ARHGEF18: variants seen among roughly 807,000 people sequenced by gnomAD.
The protein encoded by ARHGEF18 is rho guanine nucleotide exchange factor 18.
ARHGEF18 carries 93 observed loss-of-function variants against 155.7 expected under a neutral mutation model. That is an observed-to-expected ratio of 0.60 (90% CI 0.50 to 0.71). The LOEUF (loss-of-function observed/expected upper bound fraction) is 0.71. Ranked by LOEUF, ARHGEF18 falls within the 30% of genes least tolerant of loss-of-function variation. The pLI, the probability that ARHGEF18 is intolerant of heterozygous loss-of-function variation, is 0.00. For synonymous variants in ARHGEF18, 742 were observed against 753.1 expected, an observed-to-expected ratio of 0.99 and a Z score of 0.24; for missense variants, 1,593 against 1,816.1, an observed-to-expected ratio of 0.88 and a Z score of 2.23.
At chr19:7,374,585 C>T (rs1395059566) in intron 3 of ARHGEF18, among the ~76,000 whole-genome samples, 2 of 151,584 alleles carry the variant, frequency 1.3e-5, no homozygotes, top group African/African-American at 2.4e-5. Flanking sequence ...GGCTGAGGCC[C>T]GAGAATCGCT....
intron 10 of ARHGEF18, among the ~76,000 whole-genome samples, chr19:7,406,149 C>T (rs1269794259): frequency 6.6e-6 from 1 of 152,014 alleles, no homozygotes; most frequent in Admixed American, 6.6e-5. Flanking sequence ...GGCGCTATCT[C>T]GGCTCACTGC....
chr19:7,423,663 C>T (rs1278998008), intron 10 of ARHGEF18, among the ~76,000 whole-genome samples: 1 of 151,342 alleles, frequency 6.6e-6, no homozygotes, highest in African/African-American at 2.4e-5. Context: ...CGAGATCGCG[C>T]CACTGCACTC....
intron 10 of ARHGEF18, among the ~76,000 whole-genome samples, chr19:7,419,271 GTGCC>G (rs1387657420): frequency 2.6e-5 from 3 of 116,586 alleles, no homozygotes; most frequent in Admixed American, 2.2e-4. Flanking sequence ...CACCCCAGGT[GTGCC>G]CACACTCGGC....
intron 10 of ARHGEF18, among the ~76,000 whole-genome samples, chr19:7,407,590 T>C (rs776703003): frequency 2.6e-5 from 4 of 152,128 alleles, no homozygotes; most frequent in Admixed American, 2.0e-4. Context: ...GGATAGAGCA[T>C]TGGGAGTTCC....
At position 7,371,920 on chromosome 19, in the gene ARHGEF18, G is replaced by A. The variant is rs549193687; in HGVS notation, c.16-892G>A. Among the ~76,000 whole-genome samples the A allele has an allele frequency of 3.3e-5, 5 of 152,154 alleles. No homozygotes were observed. In the South Asian group the frequency reaches 1.0e-3, roughly 32 times the overall value. On this transcript the variant is annotated intron_variant, in intron 2 of 28. Coordinates refer to ENST00000668164, the MANE Select transcript of ARHGEF18 (RefSeq NM_001367823.1). ...AATCTATAAAGACATCAACATGGGT[G>A]AGTTCTGGGTAAAGGGCAAACCCTG...
In ARHGEF18 at chr19:7,467,461, C is replaced by A; in HGVS notation, c.3257C>A (p.Ala1086Glu). Residue 1086 changes from alanine to glutamate, a missense_variant, in exon 26 of 29, where the codon GCG (alanine) becomes GAG (glutamate). Ala to Glu is a moderately radical substitution (Grantham distance 107, BLOSUM62 -1). Coordinates refer to ENST00000668164, the MANE Select transcript of ARHGEF18 (RefSeq NM_001367823.1). ...CACCAGGAGCTGGAGCGTGCGGGCG[C>A]GCGGCTGCAGGAGCGCGAGGGCGAG... ...WQHQELERAG[A>E]RLQEREGEAR... The A allele has an allele frequency of 6.7e-7, 1 of 1,502,950 alleles. No homozygotes were observed. The highest frequency in any genetic ancestry group is 8.8e-7 in the Non-Finnish European group (1 of 1,133,684). The allele number at this position is 1,502,950 out of a possible 1,614,324, so 93.1% of individuals were successfully genotyped here.
chr19:7,468,753 G>A (rs1248557498), intron 26 of ARHGEF18, 72 bp from the exon 27 acceptor site: 20 of 1,442,582 alleles, frequency 1.4e-5, no homozygotes, highest in African/African-American at 2.9e-5. Flanking sequence ...TCCTGTGCAC[G>A]ACCCTCGGGG....
intron 5 of ARHGEF18, among the ~76,000 whole-genome samples, chr19:7,377,698 G>C (rs890267479): frequency 6.6e-6 from 1 of 151,736 alleles, no homozygotes; most frequent in African/African-American, 2.4e-5. Flanking sequence ...TGAGATGGGA[G>C]GATCACTTAA....
chr19:7,453,060 A>G (rs1048303856), intron 16 of ARHGEF18, among the ~76,000 whole-genome samples: 9 of 151,912 alleles, frequency 5.9e-5, no homozygotes, highest in African/African-American at 1.9e-4. Context: ...ATAGCTGGGC[A>G]TGGTGGCGGG....
chr19:7,451,351 A>G, intron 16 of ARHGEF18, 85 bp downstream of exon 16: 1 of 1,140,386 alleles, frequency 8.8e-7, no homozygotes, highest in Admixed American at 2.4e-5. Context: ...TTTGAGCAGC[A>G]AACTGAATAA....
intron 10 of ARHGEF18, among the ~76,000 whole-genome samples, chr19:7,406,019 T>C (rs1382865278): frequency 6.6e-6 from 1 of 152,188 alleles, no homozygotes; most frequent in East Asian, 1.9e-4. Flanking sequence ...AAGGTCTCAC[T>C]CTTTAGAACC....
intron 10 of ARHGEF18, among the ~76,000 whole-genome samples, chr19:7,427,672 G>A (rs1033488890): frequency 5.4e-5 from 8 of 149,458 alleles, no homozygotes; most frequent in South Asian, 2.1e-4. Flanking sequence ...AAGGCCGGGC[G>A]CAGTGGCTCA....
At chr19:7,425,285 G>A (rs1038794640) in intron 10 of ARHGEF18, among the ~76,000 whole-genome samples, 1 of 152,120 alleles carries the variant, frequency 6.6e-6, no homozygotes, top group African/African-American at 2.4e-5. Flanking sequence ...GTAGGGCTCT[G>A]GCTTGGTCTT....
Position 7,470,094 on chromosome 19 carries a change from A to G in ARHGEF18, c.3914-32A>G, listed in dbSNP as rs1976931940. On this transcript the variant is annotated intron_variant, in intron 28 of 28. Coordinates refer to ENST00000668164, the MANE Select transcript of ARHGEF18 (RefSeq NM_001367823.1). This position sits in a 1 kb window ranked among gnomAD's most constrained non-coding sequence, Gnocchi z 5.9. Reference sequence around the variant, plus strand: ...AGCGGGGCTGCGGCACCACCCGGCGACTGCTCAGTCTGAACCCTCTCTCTG... The same window carrying G: ...AGCGGGGCTGCGGCACCACCCGGCGGCTGCTCAGTCTGAACCCTCTCTCTG... 6.2e-7 allele frequency: 1 copy of G among 1,611,420 alleles called. No individual in the cohort carries two copies. The highest frequency in any genetic ancestry group is 8.5e-7 in the Non-Finnish European group (1 of 1,179,250).
chr19:7,369,956 G>A (rs757171862), intron 2 of ARHGEF18, among the ~76,000 whole-genome samples: 1 of 152,020 alleles, frequency 6.6e-6, no homozygotes, highest in South Asian at 2.1e-4. Context: ...CAGCACTTTC[G>A]GAGGCTGAGC....
chr19:7,406,503 C>T (rs969635170), intron 10 of ARHGEF18, among the ~76,000 whole-genome samples: 12 of 152,148 alleles, frequency 7.9e-5, no homozygotes, highest in African/African-American at 2.9e-4. Context: ...TGCCTATACT[C>T]CATATAATCT....
intron 2 of ARHGEF18, among the ~76,000 whole-genome samples, chr19:7,369,332 A>G (rs1481955701): frequency 6.6e-6 from 1 of 152,048 alleles, no homozygotes; most frequent in African/African-American, 2.4e-5. Context: ...GTGGTGGCAC[A>G]TGCCTGTAAT....
chr19:7,364,390 A>AAGGAAGGAAGGAAGGAAGGAAGGAAGGG lies in ARHGEF18; in HGVS notation c.15+1500_15+1501insAAGGAAGGAAGGGAGGAAGGAAGGAAGG, dbSNP rs1555698655. The stretch of plus-strand genomic sequence containing the variant: ...AAAGGAAGGAAGGAAGGAAGGAAGG[A>AAGGAAGGAAGGAAGGAAGGAAGGAAGGG]AGGAAGGAAGGAAGGCAGGCTGACT... On this transcript the variant is annotated intron_variant, in intron 2 of 28. Coordinates refer to ENST00000668164, the MANE Select transcript of ARHGEF18 (RefSeq NM_001367823.1). Among the ~76,000 whole-genome samples the AAGGAAGGAAGGAAGGAAGGAAGGAAGGG allele has an allele frequency of 3.7e-4, 55 of 147,232 alleles. 1 individual carries two copies. The highest frequency in any genetic ancestry group is 2.9e-3 in the Admixed American group (42 of 14,432).
At chr19:7,466,836 A>AAAAGAAG (rs1555729790) in intron 23 of ARHGEF18, 82 bp from the exon 24 acceptor site, 3 of 1,094,850 alleles carry the variant, frequency 2.7e-6, no homozygotes, top group African/African-American at 1.8e-5. Flanking sequence ...AGTTAAAAAA[A>AAAAGAAG]AAGAAGAAGA....
Sources: gnomAD v4.1 joint callset for allele counts (sites outside exome capture counted in the v4.1 genomes callset) on GRCh38, gnomAD v4.1.1 for gene constraint, Gnocchi (gnomAD v3.1) non-coding constraint, MANE v1.5 for transcripts, NCBI Gene and HGNC (gene_info 2026-07-23, HGNC 2026-07-21) for gene names.